Variants in TTC17 observed in about 807,000 individuals in gnomAD.
TTC17 encodes the protein tetratricopeptide repeat protein 17.
In TTC17, 58 loss-of-function variants were observed where a neutral mutation model predicts 143.8. The ratio of observed to expected loss-of-function variants is 0.40; its 90% CI spans 0.33 to 0.50. The LOEUF is 0.50. Among genes scored for constraint, TTC17 ranks in the 20% least tolerant of loss-of-function variants. The pLI is 0.49. For missense variants in TTC17, 1,273 were observed against 1,392.5 expected (o/e 0.91, Z 1.37); for synonymous variants, 501 against 497.8 (o/e 1.01, Z -0.09).
intron 2 of TTC17, among the ~76,000 whole-genome samples, chr11:43,386,716 G>A (rs1857183366): frequency 6.6e-6 from 1 of 152,054 alleles, no homozygotes; most frequent in Non-Finnish European, 1.5e-5. Context: ...ACTCATAGAG[G>A]ATGAGTTTAT....
In TTC17 at chr11:43,407,479, G is replaced by A. The variant is rs1349913920; in HGVS notation, c.1966G>A (p.Val656Ile). The stretch of plus-strand genomic sequence containing the variant: ...TTTAGCTCCACTTCAATACCAAGAT[G>A]TTCCTCTTGTCAACTTGGCCAACCT... ...LNLAPLQYQD[V>I]PLVNLANLLI... The change falls in exon 15 of 24, where the codon GTT becomes ATT. Residue 656 changes from valine (V) to isoleucine (I), a missense_variant. Coordinates refer to ENST00000039989, the MANE Select transcript of TTC17 (RefSeq NM_018259.6). 1 of 1,614,012 alleles carries A rather than the reference G, an allele frequency of 6.2e-7. No homozygotes were observed. The highest frequency in any genetic ancestry group is 1.1e-5 in the South Asian group (1 of 91,078).
In TTC17 at chr11:43,358,935, G is replaced by T; in HGVS notation, c.-20G>T. ...ACTAGCTTCCGCTTCCGGTGTGAGC[G>T]GCCCGGCCGGGGGGGCAAGATGGCG... On this transcript the variant is annotated 5_prime_UTR_variant, in exon 1 of 24. Transcript: ENST00000039989. 1.3e-6 allele frequency: 2 copies of T among 1,560,400 alleles called. No individual in the cohort carries two copies. Among genetic ancestry groups the T allele is most frequent in the Non-Finnish European group, 8.7e-7 (1 of 1,154,192 alleles).
chr11:43,460,883 C>CT (rs930223622), intron 21 of TTC17, among the ~76,000 whole-genome samples: 4 of 152,184 alleles, frequency 2.6e-5, no homozygotes, highest in Admixed American at 6.5e-5. Context: ...TGGGCTAGGC[C>CT]TCTTAGAGCC....
intron 16 of TTC17, among the ~76,000 whole-genome samples, chr11:43,430,075 C>T (rs1947118689): frequency 6.6e-6 from 1 of 152,148 alleles, no homozygotes; most frequent in African/African-American, 2.4e-5. Context: ...GGGAATATAA[C>T]TTATATTTAC....
At chr11:43,476,999 C>T (rs942765716) in intron 21 of TTC17, among the ~76,000 whole-genome samples, 1 of 152,220 alleles carries the variant, frequency 6.6e-6, no homozygotes, top group African/African-American at 2.4e-5. Context: ...ACCCAAGTCA[C>T]CTCTTAAATG....
chr11:43,490,472 C>A, intron 22 of TTC17, 114 bp downstream of exon 22: 1 of 1,425,732 alleles, frequency 7.0e-7, no homozygotes, highest in East Asian at 2.4e-5. Flanking sequence ...GGACATATTC[C>A]AAGGAGAGAA....
chr11:43,454,388 C>A (rs1485743325), intron 21 of TTC17, among the ~76,000 whole-genome samples: 1 of 151,972 alleles, frequency 6.6e-6, no homozygotes, highest in African/African-American at 2.4e-5. Context: ...CAAAAGATAA[C>A]CTGAAAATAG....
chr11:43,370,632 TA>T (rs898307645), intron 1 of TTC17, among the ~76,000 whole-genome samples: 1 of 149,824 alleles, frequency 6.7e-6, no homozygotes, highest in Admixed American at 6.6e-5. Flanking sequence ...GATAGCACAT[TA>T]AAAAAAAAGA....
chr11:43,448,041 C>G lies in TTC17; in HGVS notation c.2705C>G (p.Pro902Arg), dbSNP rs1211439575. Residue 902 changes from proline (P) to arginine (R), a missense_variant, in exon 19 of 24, where the codon CCG becomes CGG. Pro to Arg is a moderately radical substitution (Grantham distance 103). Around this residue, in one of 3 missense-constraint regions of TTC17, gnomAD observed 878 missense variants for 899.8 expected, o/e 0.98. Transcript: ENST00000039989. The stretch of plus-strand genomic sequence containing the variant: ...TACCAGCGTCTGGGATGGCCCAGCC[C>G]GGACGAATGCCTCAAACTCCGCTGG... ...RDYQRLGWPS[P>R]DECLKLRWVE... The G allele has an allele frequency of 1.9e-6, 3 of 1,613,942 alleles. No homozygotes were observed. The highest frequency in any genetic ancestry group is 2.5e-6 in the Non-Finnish European group (3 of 1,179,986).
chr11:43,377,670 G>A (rs1264197083), intron 1 of TTC17, among the ~76,000 whole-genome samples: 1 of 152,074 alleles, frequency 6.6e-6, no homozygotes, highest in Non-Finnish European at 1.5e-5. Flanking sequence ...TATCTTTGCT[G>A]AACTAAAAGC....
chr11:43,368,716 G>A (rs1856448175), intron 1 of TTC17, among the ~76,000 whole-genome samples: 1 of 152,134 alleles, frequency 6.6e-6, no homozygotes, highest in South Asian at 2.1e-4. Context: ...ACTCCCTTTG[G>A]GATAGGAGGG....
chr11:43,414,861 C>T lies in TTC17; in HGVS notation c.2251+85C>T. The T allele has an allele frequency of 5.6e-6, 8 of 1,419,942 alleles. No individual in the cohort carries two copies. The South Asian group carries it at 1.0e-4, about 19-fold the overall frequency. 88.0% of individuals were successfully genotyped at this position (1,419,942 alleles called of 1,614,324 possible). On this transcript the variant is annotated intron_variant, in intron 16 of 23. Transcript: ENST00000039989. ...AAAAGAACACAGAAAATGATTTTCT[C>T]TATTTTACCCAAGGATTTTAGATAA...
chr11:43,477,303 G>A (rs1051139583), intron 21 of TTC17, among the ~76,000 whole-genome samples: 4 of 152,140 alleles, frequency 2.6e-5, no homozygotes, highest in African/African-American at 9.7e-5. Context: ...CCTTCAAACT[G>A]TTCTAATCTC....
intron 1 of TTC17, among the ~76,000 whole-genome samples, chr11:43,376,895 A>G (rs1038351416): frequency 3.3e-5 from 5 of 152,240 alleles, no homozygotes; most frequent in Admixed American, 2.0e-4. Context: ...TGTACAGCCT[A>G]CTACACACCT....
intron 21 of TTC17, among the ~76,000 whole-genome samples, chr11:43,459,533 G>T (rs554291487): frequency 6.6e-6 from 1 of 152,334 alleles, no homozygotes; most frequent in South Asian, 2.1e-4. Flanking sequence ...CCACCAGAGA[G>T]AAGCCACACC....
chr11:43,447,227 G>T (rs2134742912), intron 18 of TTC17, among the ~76,000 whole-genome samples: 1 of 152,040 alleles, frequency 6.6e-6, no homozygotes, highest in East Asian at 1.9e-4. Flanking sequence ...ACCACATGAG[G>T]TTAAAAAAAG....
chr11:43,369,108 A>G (rs763631189), intron 1 of TTC17, among the ~76,000 whole-genome samples: 3 of 152,148 alleles, frequency 2.0e-5, no homozygotes, highest in Non-Finnish European at 2.9e-5. Context: ...CCAGCTTTTC[A>G]CTTACCTTCC....
rs1438143047 is a variant in TTC17, at chr11:43,490,419, TA to T, written c.3150+62del. On this transcript the variant is annotated intron_variant, in intron 22 of 23. Transcript: ENST00000039989. ...TTTGTCCTTTCCATTCCCCATGGTT[TA>T]TTCTGCCCTTTGAACCAGCCTCCCT... The T allele has an allele frequency of 9.3e-6, 14 of 1,513,358 alleles. No individual in the cohort carries two copies. In the African/African-American group the frequency reaches 1.8e-4, roughly 19 times the overall value. 93.7% of individuals were successfully genotyped at this position (1,513,358 alleles called of 1,614,324 possible).
intron 9 of TTC17, 77 bp downstream of exon 9, chr11:43,400,125 G>A: frequency 6.7e-7 from 1 of 1,492,164 alleles, no homozygotes; most frequent in South Asian, 1.3e-5. Flanking sequence ...TAACTTTCTT[G>A]TAGCCTTAAA....
Sources: allele counts gnomAD v4.1 joint callset (sites outside exome capture counted in the v4.1 genomes callset), GRCh38; gene constraint gnomAD v4.1.1; regional missense constraint gnomAD v4.1.1; transcripts MANE v1.5; gene names NCBI Gene and HGNC (gene_info 2026-07-23, HGNC 2026-07-21).